Variants in NDUFS8 observed in about 807,000 individuals in gnomAD.
NDUFS8 encodes the protein NADH:ubiquinone oxidoreductase core subunit S8, also known as NADH dehydrogenase [ubiquinone] iron-sulfur protein 8, mitochondrial.
Under a neutral mutation model 25.6 loss-of-function variants are expected in NDUFS8, and 13 were observed. That is an observed-to-expected ratio of 0.51 (90% CI 0.33 to 0.81). The LOEUF (loss-of-function observed/expected upper bound fraction) is 0.81. Ranked by LOEUF, NDUFS8 falls within the 30% of genes least tolerant of loss-of-function variation. The pLI, the probability that NDUFS8 is intolerant of heterozygous loss-of-function variation, is 0.02. For missense variants in NDUFS8, 257 were observed against 300.9 expected (o/e 0.85, Z 1.08); for synonymous variants, 119 against 119.4 (o/e 1.00, Z 0.02).
At chr11:68,033,324 C>T (rs1159890689) in intron 5 of NDUFS8, 41 bp downstream of exon 5, 4 of 1,582,250 alleles carry the variant, frequency 2.5e-6, no homozygotes, top group African/African-American at 1.3e-5. Context: ...CAGCCCCTGC[C>T]ACTGGGAGAG....
intron 5 of NDUFS8, chr11:68,034,399 G>A (rs2134416122): frequency 6.6e-6 from 1 of 152,380 alleles, no homozygotes; most frequent in East Asian, 1.9e-4. Flanking sequence ...GAGAGAAGTA[G>A]ATTTAAGGCA....
Position 68,033,708 on chromosome 11 carries a change from C to T in NDUFS8, c.372+425C>T, listed in dbSNP as rs901167729. ...GGCTTTCCGTTCTCTTAGTGGGTCT[C>T]GTGCTTACCCGTGGGGGCCAGGCCT... is the stretch of plus-strand genomic sequence containing the variant. On this transcript the variant is annotated intron_variant, in intron 5 of 6. Transcript: ENST00000313468. 7 of 278,300 alleles carry T rather than the reference C, an allele frequency of 2.5e-5. No individual in the cohort carries two copies. In the East Asian group the frequency reaches 4.7e-4, roughly 19 times the overall value. 17.2% of individuals were successfully genotyped at this position (278,300 alleles called of 1,614,324 possible). A position where few individuals can be genotyped will look rare whatever the true frequency, so the allele number is the denominator to read the frequency against.
chr11:68,032,873 GAC>G, intron 3 of NDUFS8, 48 bp from the exon 4 acceptor site: 11 of 1,573,254 alleles, frequency 7.0e-6, no homozygotes, highest in Non-Finnish European at 9.6e-6. Flanking sequence ...GCTCCAGGGA[GAC>G]AGTGTGTGAG....
At chr11:68,031,711 G>A (rs1854770205) in intron 1 of NDUFS8, 1 of 317,786 alleles carries the variant, frequency 3.1e-6, no homozygotes, top group Admixed American at 4.4e-5. Context: ...TGGAGTCCTT[G>A]TAAGGATAGG....
At chr11:68,030,790 C>G (rs1854745881) in intron 1 of NDUFS8, 57 bp downstream of exon 1, 2 of 363,990 alleles carry the variant, frequency 5.5e-6, no homozygotes, top group Non-Finnish European at 1.1e-5. Context: ...GCGTCGGGGG[C>G]GAGTGTGGTG....
At position 68,036,236 on chromosome 11, in the gene NDUFS8, G is replaced by T; in HGVS notation, c.373-17G>T. The T allele has an allele frequency of 6.2e-7, 1 of 1,612,170 alleles. No individual in the cohort carries two copies. Among genetic ancestry groups the T allele is most frequent in the Non-Finnish European group, 8.5e-7 (1 of 1,179,508 alleles). On this transcript the variant is annotated splice_polypyrimidine_tract_variant and intron_variant, in intron 5 of 6. Coordinates refer to ENST00000313468, the MANE Select transcript of NDUFS8 (RefSeq NM_002496.4). ...GTGACAGGGCAGCGTGGCAGTGTCTGGTGGCCCCTCCCGCAGGCCATCACC... is the reference window on the plus strand; with the variant it reads ...GTGACAGGGCAGCGTGGCAGTGTCTTGTGGCCCCTCCCGCAGGCCATCACC...
chr11:68,033,638 G>C, intron 5 of NDUFS8: 1 of 364,746 alleles, frequency 2.7e-6, no homozygotes, highest in South Asian at 2.7e-5. Flanking sequence ...CTGCTTGTGT[G>C]CCTGTTGCAG....
chr11:68,034,592 C>G (rs1038952361), intron 5 of NDUFS8: 6 of 152,156 alleles, frequency 3.9e-5, no homozygotes, highest in Middle Eastern at 3.4e-3. Flanking sequence ...GTGGGCGGAT[C>G]ACTTGAGGTC....
At chr11:68,032,859 T>C (rs1255796073) in intron 3 of NDUFS8, 64 bp from the exon 4 acceptor site, 56 of 1,532,544 alleles carry the variant, frequency 3.7e-5, no homozygotes, top group Non-Finnish European at 5.0e-5. Flanking sequence ...CTGCTCTCCC[T>C]GAGGCTCCAG....
intron 1 of NDUFS8, chr11:68,031,119 C>G: frequency 3.6e-6 from 1 of 279,150 alleles, no homozygotes; most frequent in African/African-American, 2.3e-5. Context: ...CCCCTAATTC[C>G]CAAGACCAAC....
chr11:68,033,889 T>C (rs1854824625), intron 5 of NDUFS8: 1 of 166,012 alleles, frequency 6.0e-6, no homozygotes, highest in African/African-American at 2.4e-5. Context: ...GATCCTAGTT[T>C]GTCCTCTGGA....
chr11:68,032,191 G>A lies in NDUFS8; in HGVS notation c.40G>A (p.Ala14Thr). ...CACGCCTATGCTGCTGCGGGCCCTGGCCCAGGCTGCACGTGCAGGTAGGAC... is the reference window on the plus strand; with the variant it reads ...CACGCCTATGCTGCTGCGGGCCCTGACCCAGGCTGCACGTGCAGGTAGGAC... ...LTTPMLLRAL[A>T]QAARAGPPGG... Residue 14 changes from alanine (A) to threonine (T), a missense_variant, in exon 2 of 7, where the codon GCC becomes ACC. By Grantham distance (58) the Ala-to-Thr change is moderately conservative. Coordinates refer to ENST00000313468, the MANE Select transcript of NDUFS8 (RefSeq NM_002496.4). The A allele has an allele frequency of 1.2e-6, 2 of 1,613,124 alleles. No homozygotes were observed. The highest frequency in any genetic ancestry group is 2.2e-5 in the South Asian group (2 of 91,032).
At chr11:68,033,417 T>C in intron 5 of NDUFS8, 134 bp downstream of exon 5, 1 of 1,037,584 alleles carries the variant, frequency 9.6e-7, no homozygotes, top group Non-Finnish European at 1.4e-6. Flanking sequence ...TCTGAGCCAC[T>C]TCCCTCGTGA....
chr11:68,030,989 G>A, intron 1 of NDUFS8: 1 of 405,502 alleles, frequency 2.5e-6, no homozygotes, highest in East Asian at 8.8e-5. Flanking sequence ...TTGGGTCCCT[G>A]GAACTGCAGT....
intron 5 of NDUFS8, chr11:68,036,041 A>C (rs894012593): frequency 4.3e-5 from 22 of 512,688 alleles, no homozygotes; most frequent in Admixed American, 7.4e-5. Context: ...AAAAAAAAAA[A>C]ACCAGCAAGG....
chr11:68,033,329 G>C, intron 5 of NDUFS8, 46 bp downstream of exon 5: 1 of 1,577,068 alleles, frequency 6.3e-7, no homozygotes, highest in Non-Finnish European at 8.6e-7. Flanking sequence ...CCTGCCACTG[G>C]GAGAGGGAGG....
chr11:68,033,658 C>T (rs941973249), intron 5 of NDUFS8: 8 of 331,064 alleles, frequency 2.4e-5, no homozygotes, highest in Non-Finnish European at 4.1e-5. Context: ...GCTTCCCTTC[C>T]CCAGTGGCTG....
chr11:68,032,182 C>T lies in NDUFS8; in HGVS notation c.31C>T (p.Arg11Trp), dbSNP rs201990988. The T allele has an allele frequency of 2.1e-5, 34 of 1,612,960 alleles. 1 individual carries two copies. Among genetic ancestry groups the T allele is most frequent in the East Asian group, 4.5e-5 (2 of 44,882 alleles). The change falls in exon 2 of 7, where the codon CGG becomes TGG. Residue 11 changes from arginine to tryptophan, a missense_variant. By Grantham distance (101) the Arg-to-Trp change is moderately radical. Transcript: ENST00000313468. Reference sequence around the variant, plus strand: ...CTGCCTGACCACGCCTATGCTGCTGCGGGCCCTGGCCCAGGCTGCACGTGC... The same window carrying T: ...CTGCCTGACCACGCCTATGCTGCTGTGGGCCCTGGCCCAGGCTGCACGTGC... MRCLTTPMLL[R>W]ALAQAARAGP...
At chr11:68,031,031 G>C in intron 1 of NDUFS8, 1 of 339,424 alleles carries the variant, frequency 2.9e-6, no homozygotes, top group Non-Finnish European at 6.0e-6. Flanking sequence ...CTGTTAGGGG[G>C]TTCACAGGTC....
Sources: allele counts gnomAD v4.1 joint callset, GRCh38; gene constraint gnomAD v4.1.1; transcripts MANE v1.5; gene names NCBI Gene and HGNC (gene_info 2026-07-23, HGNC 2026-07-21).